The following NEXN variants were observed in gnomAD, a reference collection of about 807,000 sequenced individuals.
NEXN encodes the protein nexilin.
Under a neutral mutation model 92.6 loss-of-function variants are expected in NEXN, and 65 were observed. The observed-to-expected ratio is 0.70, with a 90% CI of 0.57 to 0.86. NEXN has a LOEUF of 0.86. Ranked by LOEUF, NEXN falls within the 40% of genes least tolerant of loss-of-function variation. The pLI is 0.00. For synonymous variants in NEXN, 254 were observed against 242.5 expected (o/e 1.05, Z -0.44); for missense variants, 778 against 771.1 (o/e 1.01, Z -0.11).
intron 1 of NEXN, among the ~76,000 whole-genome samples, chr1:77,905,583 G>C (rs916309532): frequency 1.3e-5 from 2 of 152,162 alleles, no homozygotes; most frequent in Non-Finnish European, 2.9e-5. Context: ...TACCACTCAG[G>C]ACGCTGAGGC....
At chr1:77,900,809 C>T (rs1647646389) in intron 1 of NEXN, among the ~76,000 whole-genome samples, 2 of 152,236 alleles carry the variant, frequency 1.3e-5, no homozygotes, top group African/African-American at 2.4e-5. Context: ...TTCTTGATAA[C>T]GATTCAATTG....
At position 77,898,085 on chromosome 1, in the gene NEXN, C is replaced by G. The variant is rs1017235954; in HGVS notation, c.-53+9326C>G. 1.0e-3 allele frequency among the ~76,000 whole-genome samples: 159 copies of G among 151,734 alleles called. 1 individual carries two copies. The highest frequency in any genetic ancestry group is 3.7e-3 in the African/African-American group (153 of 41,042). On this transcript the variant is annotated intron_variant, in intron 1 of 12. Coordinates refer to ENST00000334785, the MANE Select transcript of NEXN (RefSeq NM_144573.4). ...AATATCATGAAAATGGCCATACTGCCCAAGGTAATTTATAGATTCAATGCC... is the reference window on the plus strand; with the variant it reads ...AATATCATGAAAATGGCCATACTGCGCAAGGTAATTTATAGATTCAATGCC...
chr1:77,916,594 G>T (rs938041382), intron 2 of NEXN, among the ~76,000 whole-genome samples: 1 of 152,036 alleles, frequency 6.6e-6, no homozygotes, highest in Non-Finnish European at 1.5e-5. Context: ...TGTAAGAAGA[G>T]CTCAGTTGCT....
rs556334881 is a variant in NEXN, at chr1:77,898,909, G to T, written c.-53+10150G>T. Among the ~76,000 whole-genome samples the T allele has an allele frequency of 5.3e-5, 8 of 152,290 alleles. No homozygotes were observed. The East Asian group carries it at 1.5e-3, about 29-fold the overall frequency. On this transcript the variant is annotated intron_variant, in intron 1 of 12. Coordinates refer to ENST00000334785, the MANE Select transcript of NEXN (RefSeq NM_144573.4). ...GCAGCCAAAAAACACATGAAAAAAT[G>T]CTCATCATCACTGGCCATCAGAGAA...
chr1:77,909,257 C>T (rs947139082), intron 1 of NEXN, among the ~76,000 whole-genome samples: 1 of 152,000 alleles, frequency 6.6e-6, no homozygotes. Context: ...CCTGTCTCTA[C>T]TAAAAATACA....
chr1:77,925,149 T>A (rs1369377818), intron 5 of NEXN, 39 bp from the exon 6 acceptor site: 1 of 1,373,434 alleles, frequency 7.3e-7, no homozygotes, highest in Admixed American at 1.8e-5. Flanking sequence ...AAAGTAGAAA[T>A]CTGATGTAAT....
At chr1:77,923,636 A>G (rs1035578195) in intron 5 of NEXN, among the ~76,000 whole-genome samples, 1 of 151,452 alleles carries the variant, frequency 6.6e-6, no homozygotes, top group African/African-American at 2.4e-5. Flanking sequence ...CTCTAAAGCT[A>G]AACTAACGGT....
At chr1:77,907,088 C>G (rs910485239) in intron 1 of NEXN, among the ~76,000 whole-genome samples, 1 of 152,204 alleles carries the variant, frequency 6.6e-6, no homozygotes, top group African/African-American at 2.4e-5. Flanking sequence ...CTTGGATTAT[C>G]TTCATCATTA....
chr1:77,931,231 C>CAA (rs367898061), intron 9 of NEXN, among the ~76,000 whole-genome samples: 51 of 120,550 alleles, frequency 4.2e-4, no homozygotes, highest in African/African-American at 1.1e-3. Context: ...ACTAAAAATA[C>CAA]AAAAAAAAAA....
rs1399225314 is a variant in NEXN at position 77,898,081 on chromosome 1, C to T, written c.-53+9322C>T. On this transcript the variant is annotated intron_variant, in intron 1 of 12. Transcript: ENST00000334785. ...AATCAATATCATGAAAATGGCCATA[C>T]TGCCCAAGGTAATTTATAGATTCAA... Among the ~76,000 whole-genome samples the T allele has an allele frequency of 3.3e-5, 5 of 151,680 alleles. No individual in the cohort carries two copies. In the South Asian group the frequency reaches 1.0e-3, roughly 31 times the overall value.
rs867947613 is a variant in NEXN, at chr1:77,930,508, G to T, written c.1053+1004G>T. Among the ~76,000 whole-genome samples, 9 of 152,280 alleles carry T rather than the reference G, an allele frequency of 5.9e-5. No homozygotes were observed. The Middle Eastern group carries it at 0.014, about 230-fold the overall frequency. ...GCCAGGAGTGATCTTTAAAAAGAAA[G>T]AAATTTTGATTGTGTTTTGTTACTG... On this transcript the variant is annotated intron_variant, in intron 9 of 12. Coordinates refer to ENST00000334785, the MANE Select transcript of NEXN (RefSeq NM_144573.4).
chr1:77,899,450 T>C (rs201418701), intron 1 of NEXN, among the ~76,000 whole-genome samples: 3 of 151,904 alleles, frequency 2.0e-5, no homozygotes, highest in African/African-American at 4.8e-5. Context: ...TAGGTGGGAA[T>C]TGAACAATGA....
At chr1:77,911,358 A>G (rs913615310) in intron 1 of NEXN, among the ~76,000 whole-genome samples, 3 of 152,190 alleles carry the variant, frequency 2.0e-5, no homozygotes, top group African/African-American at 4.8e-5. Context: ...TTCAGAGGCC[A>G]AGACAGGTGG....
At chr1:77,923,419 T>A (rs528750172) in intron 5 of NEXN, among the ~76,000 whole-genome samples, 2 of 152,120 alleles carry the variant, frequency 1.3e-5, no homozygotes, top group South Asian at 2.1e-4. Context: ...TCCCTTACAC[T>A]GCATGAGGAG....
chr1:77,897,098 C>G (rs1176150492), intron 1 of NEXN, among the ~76,000 whole-genome samples: 3 of 152,206 alleles, frequency 2.0e-5, no homozygotes, highest in Admixed American at 6.5e-5. Flanking sequence ...GAGCTGGTAC[C>G]ATTCCTTCTG....
intron 1 of NEXN, among the ~76,000 whole-genome samples, chr1:77,908,394 ATTTTTTTTTT>A (rs34361411): frequency 5.5e-5 from 2 of 36,306 alleles, no homozygotes; most frequent in Admixed American, 8.1e-4. Flanking sequence ...CCCTACCTCT[ATTTTTTTTTT>A]TTTTTTTTTT....
chr1:77,901,213 T>C (rs1196255672), intron 1 of NEXN, among the ~76,000 whole-genome samples: 4 of 152,172 alleles, frequency 2.6e-5, no homozygotes, highest in African/African-American at 7.2e-5. Flanking sequence ...GGTCATATTT[T>C]CTTAGAGACT....
intron 8 of NEXN, 39 bp from the exon 9 acceptor site, chr1:77,929,277 G>T: frequency 7.2e-7 from 1 of 1,394,902 alleles, no homozygotes; most frequent in South Asian, 1.2e-5. Flanking sequence ...TTTTTCTGAT[G>T]AACCTCAATT....
chr1:77,895,020 T>C (rs1647194878), intron 1 of NEXN, among the ~76,000 whole-genome samples: 1 of 139,056 alleles, frequency 7.2e-6, no homozygotes, highest in African/African-American at 2.7e-5. Flanking sequence ...ATGGCCAGCC[T>C]ATAGTGTAAT....
Sources: allele counts gnomAD v4.1 joint callset (sites outside exome capture counted in the v4.1 genomes callset), GRCh38; gene constraint gnomAD v4.1.1; transcripts MANE v1.5; gene names NCBI Gene and HGNC (gene_info 2026-07-23, HGNC 2026-07-21).